RBFOX1: variants seen among roughly 807,000 people sequenced by gnomAD.
RBFOX1 encodes RNA binding fox-1 homolog 1, also known as RNA binding protein fox-1 homolog 1.
A neutral mutation model predicts 57.7 loss-of-function variants in RBFOX1; 8 were observed. That is an observed-to-expected ratio of 0.14 (90% CI 0.08 to 0.25). The LOEUF (loss-of-function observed/expected upper bound fraction) is 0.25, where lower values mean the gene tolerates loss of function less well. RBFOX1 is among the 10% of genes least tolerant of loss of function. RBFOX1 has a pLI of 1.00. For missense variants in RBFOX1, 611 were observed against 548.5 expected (o/e 1.11, Z -1.14); for synonymous variants, 326 against 222.4 (o/e 1.47, Z -4.15).
At chr16:7,274,827 GGT>G (rs1337505790) in intron 4 of RBFOX1, among the ~76,000 whole-genome samples, 1 of 151,926 alleles carries the variant, frequency 6.6e-6, no homozygotes, top group Non-Finnish European at 1.5e-5. Context: ...TGGAATTACA[GGT>G]GTGTGCCACC....
At chr16:6,556,878 AGAG>A (rs1256071607) in intron 2 of RBFOX1, among the ~76,000 whole-genome samples, 3 of 151,758 alleles carry the variant, frequency 2.0e-5, no homozygotes, top group African/African-American at 4.8e-5. Flanking sequence ...GAGGAGAAGT[AGAG>A]GAGATTTCAC....
intron 1 of RBFOX1, among the ~76,000 whole-genome samples, chr16:5,396,139 T>C (rs1312899997): frequency 6.6e-6 from 1 of 152,190 alleles, no homozygotes; most frequent in African/African-American, 2.4e-5. Flanking sequence ...ATGTAGCAAA[T>C]CAGTAACTAA....
Position 6,019,784 on chromosome 16 carries a change from C to T in RBFOX1, c.-335C>T. 2.1e-6 allele frequency: 3 copies of T among 1,452,424 alleles called. No individual in the cohort carries two copies. Among genetic ancestry groups the T allele is most frequent in the Admixed American group, 2.3e-5 (1 of 43,664 alleles). The allele number at this position is 1,452,424 out of a possible 1,614,324, so 90.0% of individuals were successfully genotyped here. A position where few individuals can be genotyped will look rare whatever the true frequency, so the allele number is the denominator to read the frequency against. On this transcript the variant is annotated 5_prime_UTR_variant, in exon 1 of 16. Transcript: ENST00000550418. This position sits in a 1 kb window ranked among gnomAD's most constrained non-coding sequence, Gnocchi z 4.2. ...CCCACCCAGTGGCCGCCAGGGTCCC[C>T]GCCTGTCCGGACCCTCGCCGCGCCC...
At chr16:5,914,785 C>T (rs555332723) in intron 4 of RBFOX1, among the ~76,000 whole-genome samples, 1 of 152,248 alleles carries the variant, frequency 6.6e-6, no homozygotes, top group African/African-American at 2.4e-5. Context: ...GTCCCAGCTA[C>T]TCAGGAGGCT....
chr16:7,109,460 G>T (rs12051511), intron 4 of RBFOX1, among the ~76,000 whole-genome samples: 10,681 of 152,118 alleles, frequency 0.07, 557 homozygotes, highest in East Asian at 0.24. Context: ...GCCCCCAGGT[G>T]GATGTATGGA....
At chr16:7,547,465 A>G (rs2084901161) in intron 5 of RBFOX1, among the ~76,000 whole-genome samples, 1 of 152,216 alleles carries the variant, frequency 6.6e-6, no homozygotes, top group African/African-American at 2.4e-5. Flanking sequence ...AAAGAAGAAA[A>G]TGATCATCTG....
intron 3 of RBFOX1, among the ~76,000 whole-genome samples, chr16:6,922,217 G>A (rs1184921759): frequency 2.6e-5 from 4 of 152,122 alleles, no homozygotes; most frequent in Non-Finnish European, 5.9e-5. Flanking sequence ...ACAATGGAGA[G>A]GTCTGAGGCA....
Position 5,328,337 on chromosome 16 carries a change from T to C in RBFOX1, c.219+88232T>C, listed in dbSNP as rs114440015. 5.7e-3 allele frequency among the ~76,000 whole-genome samples: 864 copies of C among 152,322 alleles called. 6 individuals are homozygous for C. Among genetic ancestry groups the C allele is most frequent in the African/African-American group, 0.02 (821 of 41,580 alleles). On this transcript the variant is annotated intron_variant, in intron 1 of 2. Coordinates refer to the RBFOX1 transcript ENST00000585867. ...GGATGCATGCATAGAGGAAAGGCTG[T>C]CTGCAAGCCAGGAGACGCTCTGACC...
chr16:6,422,916 A>T (rs1044356593), intron 2 of RBFOX1, among the ~76,000 whole-genome samples: 1 of 152,230 alleles, frequency 6.6e-6, no homozygotes, highest in Non-Finnish European at 1.5e-5. Flanking sequence ...TGCAGTATTC[A>T]GTTTTCTGTT....
chr16:6,819,167 C>T (rs1042400001), intron 3 of RBFOX1, among the ~76,000 whole-genome samples: 2 of 152,146 alleles, frequency 1.3e-5, no homozygotes, highest in East Asian at 3.9e-4. Flanking sequence ...CCCTGTGAGC[C>T]TTGTACACTG....
At chr16:5,710,754 G>T (rs555069265) in intron 3 of RBFOX1, among the ~76,000 whole-genome samples, 5 of 152,216 alleles carry the variant, frequency 3.3e-5, no homozygotes, top group African/African-American at 1.2e-4. Flanking sequence ...GCCTATTACC[G>T]GCTCTGTGTC....
intron 4 of RBFOX1, among the ~76,000 whole-genome samples, chr16:7,296,039 T>C (rs1181253143): frequency 3.9e-5 from 6 of 152,044 alleles, no homozygotes; most frequent in African/African-American, 1.4e-4. Flanking sequence ...CTAACAAGTA[T>C]TGTTGATACT....
intron 2 of RBFOX1, among the ~76,000 whole-genome samples, chr16:6,591,036 C>G (rs555787199): frequency 6.6e-6 from 1 of 152,228 alleles, no homozygotes; most frequent in East Asian, 1.9e-4. Flanking sequence ...AAGATGTGGA[C>G]AAGTATAATT....
chr16:7,644,977 C>T (rs2063478099), intron 11 of RBFOX1, among the ~76,000 whole-genome samples: 1 of 152,126 alleles, frequency 6.6e-6, no homozygotes, highest in Non-Finnish European at 1.5e-5. Context: ...CCAAGTGAGG[C>T]TGGAGAAAAA....
At chr16:6,014,018 C>T (rs56052308) in intron 4 of RBFOX1, among the ~76,000 whole-genome samples, 21,474 of 151,538 alleles carry the variant, frequency 0.14, 1,895 homozygotes, top group East Asian at 0.34. Context: ...TGTTAAATGA[C>T]GAGTTAATGG....
intron 1 of RBFOX1, among the ~76,000 whole-genome samples, chr16:5,294,183 C>G (rs1021330313): frequency 1.3e-5 from 2 of 152,108 alleles, no homozygotes; most frequent in African/African-American, 4.8e-5. Flanking sequence ...GAGCTGAGAT[C>G]ACACCACTGC....
chr16:6,878,038 G>A (rs975866931), intron 3 of RBFOX1, among the ~76,000 whole-genome samples: 7 of 152,104 alleles, frequency 4.6e-5, no homozygotes, highest in Non-Finnish European at 1.0e-4. Context: ...CCTCTAAGAG[G>A]GATGGAGCTG....
chr16:6,216,372 G>A (rs1480556403), intron 1 of RBFOX1, among the ~76,000 whole-genome samples: 1 of 152,132 alleles, frequency 6.6e-6, no homozygotes, highest in African/African-American at 2.4e-5. Context: ...GGTCCTCACA[G>A]AGAAACAGGC....
At chr16:5,389,860 G>T (rs914587740) in intron 1 of RBFOX1, among the ~76,000 whole-genome samples, 5 of 151,806 alleles carry the variant, frequency 3.3e-5, no homozygotes, top group Non-Finnish European at 5.9e-5. Context: ...ACCACGACCA[G>T]CTAATTTTTG....
Sources: allele counts gnomAD v4.1 joint callset (sites outside exome capture counted in the v4.1 genomes callset), GRCh38; gene constraint gnomAD v4.1.1; non-coding constraint Gnocchi (gnomAD v3.1); transcripts MANE v1.5; gene names NCBI Gene and HGNC (gene_info 2026-07-23, HGNC 2026-07-21).